SLC44A5: variants seen among roughly 807,000 people sequenced by gnomAD.
SLC44A5 encodes the protein choline transporter-like protein 5.
In SLC44A5, 57 loss-of-function variants were observed where a neutral mutation model predicts 101.8. The ratio of observed to expected loss-of-function variants is 0.56; its 90% CI spans 0.45 to 0.70. The LOEUF is 0.70. Ranked by LOEUF, SLC44A5 falls within the 30% of genes least tolerant of loss-of-function variation. The pLI is 0.00. For missense variants in SLC44A5, 737 were observed against 853.1 expected (o/e 0.86, Z 1.70); for synonymous variants, 281 against 290.9 (o/e 0.97, Z 0.35).
chr1:75,254,729 T>C (rs1466226458), intron 6 of SLC44A5, among the ~76,000 whole-genome samples: 1 of 152,054 alleles, frequency 6.6e-6, no homozygotes, highest in Non-Finnish European at 1.5e-5. Context: ...AATTTGCCTG[T>C]TAGAAATCAT....
At chr1:75,330,181 A>ATATATACGTATATATGCATT (rs1656936522) in intron 4 of SLC44A5, among the ~76,000 whole-genome samples, 2 of 123,224 alleles carry the variant, frequency 1.6e-5, no homozygotes, top group Non-Finnish European at 3.3e-5. Context: ...ATATATGCAT[A>ATATATACGTATATATGCATT]TATATACGTA....
chr1:75,503,860 C>G lies in SLC44A5; in HGVS notation c.13+37575G>C, dbSNP rs75142216. On this transcript the variant is annotated intron_variant, in intron 2 of 23. Transcript: ENST00000370859. Reference sequence around the variant, plus strand: ...GTCACCAAAAGTGAAAGCTGGAAAACCAGGTCTGTAGTGTATCCTGCCACT... The same window carrying G: ...GTCACCAAAAGTGAAAGCTGGAAAAGCAGGTCTGTAGTGTATCCTGCCACT... Among the ~76,000 whole-genome samples, 545 of 152,274 alleles carry G rather than the reference C, an allele frequency of 3.6e-3. 2 individuals are homozygous for G. The highest frequency in any genetic ancestry group is 0.013 in the African/African-American group (528 of 41,556).
chr1:75,361,000 T>G (rs567839007), intron 3 of SLC44A5, among the ~76,000 whole-genome samples: 30 of 152,258 alleles, frequency 2.0e-4, no homozygotes, highest in African/African-American at 7.0e-4. Flanking sequence ...GTGTTTACAG[T>G]TTTTGGTATA....
intron 3 of SLC44A5, among the ~76,000 whole-genome samples, chr1:75,362,838 A>C (rs937353874): frequency 1.3e-5 from 2 of 152,038 alleles, no homozygotes; most frequent in African/African-American, 4.8e-5. Flanking sequence ...GGGTGAGTAT[A>C]AGTCCACGCG....
chr1:75,679,945 A>G, the SLC44A5 span, among the ~76,000 whole-genome samples: 1 of 152,186 alleles, frequency 6.6e-6, no homozygotes, highest in Non-Finnish European at 1.5e-5. Flanking sequence ...AAAACAAAAG[A>G]AGGCAGGGGT....
At chr1:75,482,060 C>T (rs1178446195) in intron 2 of SLC44A5, among the ~76,000 whole-genome samples, 2 of 151,980 alleles carry the variant, frequency 1.3e-5, no homozygotes, top group Admixed American at 6.5e-5. Flanking sequence ...GAAAATGTGG[C>T]ACATATACAC....
chr1:75,457,184 C>T (rs1414912815), intron 2 of SLC44A5, among the ~76,000 whole-genome samples: 1 of 152,150 alleles, frequency 6.6e-6, no homozygotes, highest in East Asian at 1.9e-4. Flanking sequence ...CCTGTTAATG[C>T]AGTAATAAAA....
intron 2 of SLC44A5, among the ~76,000 whole-genome samples, chr1:75,463,281 G>A (rs4949858): frequency 0.098 from 14,929 of 151,894 alleles, 903 homozygotes; most frequent in Admixed American, 0.19. Context: ...TTAGCTGGGC[G>A]CGGTGGCAGG....
At chr1:75,635,815 A>AT in the SLC44A5 span, among the ~76,000 whole-genome samples, 4 of 150,756 alleles carry the variant, frequency 2.7e-5, no homozygotes, top group Admixed American at 2.0e-4. Flanking sequence ...AATAATAATA[A>AT]AAAAAAAATG....
At chr1:75,658,228 T>A in the SLC44A5 span, among the ~76,000 whole-genome samples, 3 of 151,644 alleles carry the variant, frequency 2.0e-5, no homozygotes, top group African/African-American at 7.3e-5. Context: ...CACATGCCAC[T>A]ATACCTGGCT....
the SLC44A5 span, among the ~76,000 whole-genome samples, chr1:75,681,421 GCTT>G: frequency 2.0e-5 from 3 of 151,426 alleles, no homozygotes; most frequent in African/African-American, 7.3e-5. Flanking sequence ...GATCAAGTGG[GCTT>G]CATCCCTGGG....
At chr1:75,626,154 G>C in the SLC44A5 span, among the ~76,000 whole-genome samples, 5 of 152,136 alleles carry the variant, frequency 3.3e-5, no homozygotes, top group Non-Finnish European at 5.9e-5. Flanking sequence ...GATTTATTTA[G>C]AGCAGAATCA....
chr1:75,712,164 C>T, the SLC44A5 span, among the ~76,000 whole-genome samples: 38,018 of 152,176 alleles, frequency 0.25, 5,081 homozygotes, highest in Non-Finnish European at 0.3. Flanking sequence ...GAAGAATGTA[C>T]ACTACATGGT....
the SLC44A5 span, among the ~76,000 whole-genome samples, chr1:75,626,231 T>C: frequency 6.6e-6 from 1 of 152,138 alleles, no homozygotes; most frequent in African/African-American, 2.4e-5. Flanking sequence ...ATCAGATTCA[T>C]CTAGATGTGT....
chr1:75,700,737 C>A, the SLC44A5 span, among the ~76,000 whole-genome samples: 2 of 151,888 alleles, frequency 1.3e-5, no homozygotes, highest in Admixed American at 6.6e-5. Flanking sequence ...TTGAAAAGAT[C>A]AACAAAATTG....
chr1:75,560,544 G>T (rs2102006899), intron 1 of SLC44A5, among the ~76,000 whole-genome samples: 1 of 152,240 alleles, frequency 6.6e-6, no homozygotes, highest in East Asian at 1.9e-4. Context: ...TATCATAAAA[G>T]AAAAATGAAA....
rs2972007 is a variant in SLC44A5, at chr1:75,406,089, C to A, written c.14-9468G>T. On this transcript the variant is annotated intron_variant, in intron 2 of 23. Coordinates refer to ENST00000370859, the MANE Select transcript of SLC44A5 (RefSeq NM_001130058.2). ...TTAGAGAATACTGTAAACACCTCTA[C>A]ACAAATAAACTAGAAAATCCAGAAG... Among the ~76,000 whole-genome samples, 1,371 of 152,192 alleles carry A rather than the reference C, an allele frequency of 9.0e-3. 24 individuals are homozygous for A. The highest frequency in any genetic ancestry group is 0.032 in the African/African-American group (1,316 of 41,528).
At chr1:75,634,458 A>C in the SLC44A5 span, among the ~76,000 whole-genome samples, 1 of 151,656 alleles carries the variant, frequency 6.6e-6, no homozygotes, top group Non-Finnish European at 1.5e-5. Context: ...CTGGTACCAA[A>C]ACAGAGATAT....
intron 2 of SLC44A5, among the ~76,000 whole-genome samples, chr1:75,536,961 C>A (rs1414455119): frequency 1.6e-5 from 2 of 121,766 alleles, no homozygotes; most frequent in African/African-American, 6.2e-5. Flanking sequence ...AGCCGAGATC[C>A]CGCCACTGCA....
Sources: gnomAD v4.1 joint callset for allele counts (sites outside exome capture counted in the v4.1 genomes callset) on GRCh38, gnomAD v4.1.1 for gene constraint, MANE v1.5 for transcripts, NCBI Gene and HGNC (gene_info 2026-07-23, HGNC 2026-07-21) for gene names.